Variants in CBLC observed in about 807,000 individuals in gnomAD.
The protein encoded by CBLC is E3 ubiquitin-protein ligase CBL-C.
CBLC carries 46 observed loss-of-function variants against 58.6 expected under a neutral mutation model. That is an observed-to-expected ratio of 0.79 (90% confidence interval 0.62 to 1.00). The LOEUF is 1.00. Ranked by LOEUF, CBLC falls within the 50% of genes least tolerant of loss-of-function variation. CBLC has a pLI of 0.00. For synonymous variants in CBLC, 271 were observed against 264.2 expected (o/e 1.03, Z -0.25); for missense variants, 655 against 625.8 (o/e 1.05, Z -0.50).
Position 44,793,559 on chromosome 19 carries a change from C to T in CBLC, c.1223C>T (p.Ala408Val). The change falls in exon 8 of 11, where the codon GCT (alanine) becomes GTT (valine). Residue 408 changes from alanine (A) to valine (V), a missense_variant. Coordinates refer to ENST00000647358, the MANE Select transcript of CBLC (RefSeq NM_012116.4). Reference sequence around the variant, plus strand: ...AGTATCTACCAGTTCCACGGTCAGGCTACTGCTGAGGACTCAGGGAACAGC... The same window carrying T: ...AGTATCTACCAGTTCCACGGTCAGGTTACTGCTGAGGACTCAGGGAACAGC... ...AVSIYQFHGQ[A>V]TAEDSGNSSD... is the part of the protein sequence containing the mutation. The T allele has an allele frequency of 6.2e-7, 1 of 1,611,352 alleles. No individual in the cohort carries two copies. Among genetic ancestry groups the T allele is most frequent in the Non-Finnish European group, 8.5e-7 (1 of 1,179,300 alleles).
chr19:44,779,196 C>T (rs1448441378), intron 1 of CBLC, among the ~76,000 whole-genome samples: 3 of 152,140 alleles, frequency 2.0e-5, no homozygotes, highest in African/African-American at 2.4e-5. Flanking sequence ...TGGCTGGGTA[C>T]GGTGGCTCAC....
chr19:44,783,936 G>A (rs1280764424), intron 4 of CBLC, among the ~76,000 whole-genome samples: 2 of 152,226 alleles, frequency 1.3e-5, no homozygotes, highest in African/African-American at 4.8e-5. Flanking sequence ...TGCAGCGAAA[G>A]TCCCAGAACG....
At chr19:44,798,281 C>T (rs1167970397) in intron 9 of CBLC, among the ~76,000 whole-genome samples, 2 of 152,080 alleles carry the variant, frequency 1.3e-5, no homozygotes, top group African/African-American at 4.8e-5. Context: ...GTCTCTAACT[C>T]CTGGGCTCAA....
chr19:44,780,669 C>T (rs534698343), intron 1 of CBLC, among the ~76,000 whole-genome samples: 23 of 151,686 alleles, frequency 1.5e-4, no homozygotes, highest in African/African-American at 5.1e-4. Context: ...GACAGGGTTT[C>T]ACCATGTTGG....
rs902236013 is a variant in CBLC at position 44,777,973 on chromosome 19, G to A, written c.42G>A (p.Glu14=). The part of the protein sequence containing the change: ...AVAPWGRQWE[E]ARALGRAVRM... ...CCCCGTGGGGGCGACAGTGGGAAGA[G>A]GCCCGCGCCCTGGGCCGGGCAGTCA... The change falls in exon 1 of 11, where the codon GAG becomes GAA. Residue 14 remains glutamate (E), a synonymous_variant. Transcript: ENST00000647358. 3 of 1,605,986 alleles carry A rather than the reference G, an allele frequency of 1.9e-6. No individual in the cohort carries two copies. The highest frequency in any genetic ancestry group is 1.7e-4 in the Middle Eastern group (1 of 6,036).
chr19:44,783,081 A>G lies in CBLC; in HGVS notation c.779+590A>G, dbSNP rs181517316. Reference sequence around the variant, plus strand: ...GGAAAGAATAAATTCCTATAATTGAAAAGGCCAGGCCCCGCACAGTGGCTC... The same window carrying G: ...GGAAAGAATAAATTCCTATAATTGAGAAGGCCAGGCCCCGCACAGTGGCTC... On this transcript the variant is annotated intron_variant, in intron 4 of 10. Coordinates refer to ENST00000647358, the MANE Select transcript of CBLC (RefSeq NM_012116.4). 3.9e-4 allele frequency among the ~76,000 whole-genome samples: 59 copies of G among 152,288 alleles called. 1 individual carries two copies. The East Asian group carries it at 0.01, about 26-fold the overall frequency.
At chr19:44,784,064 A>G (rs1267888353) in intron 4 of CBLC, among the ~76,000 whole-genome samples, 200 bp from the exon 5 acceptor site, 3 of 152,168 alleles carry the variant, frequency 2.0e-5, no homozygotes, top group Non-Finnish European at 4.4e-5. Flanking sequence ...TTTTTATCAT[A>G]AAAGAGCCAA....
At chr19:44,782,324 G>A (rs969899496) in intron 3 of CBLC, 46 bp from the exon 4 acceptor site, 9 of 1,610,930 alleles carry the variant, frequency 5.6e-6, no homozygotes, top group African/African-American at 1.3e-5. Flanking sequence ...AGGGATGTGA[G>A]CTGCTTCCCT....
chr19:44,800,237 T>C (rs922756154), intron 9 of CBLC, 144 bp from the exon 10 acceptor site: 5 of 616,716 alleles, frequency 8.1e-6, no homozygotes, highest in African/African-American at 7.4e-5. Flanking sequence ...ATTAAGGCTG[T>C]GGCCTCAGCC....
At chr19:44,794,893 C>G (rs576871314) in intron 9 of CBLC, among the ~76,000 whole-genome samples, 66 of 152,032 alleles carry the variant, frequency 4.3e-4, no homozygotes, top group Admixed American at 2.3e-3. Flanking sequence ...GGGAGGCCTT[C>G]CCTGACCACT....
At chr19:44,795,101 G>T (rs1968153392) in intron 9 of CBLC, among the ~76,000 whole-genome samples, 1 of 152,030 alleles carries the variant, frequency 6.6e-6, no homozygotes, top group African/African-American at 2.4e-5. Context: ...GGGACTACAG[G>T]CACCCACCAC....
chr19:44,777,912 C>T lies in CBLC; in HGVS notation c.-20C>T, dbSNP rs201826947. 2.0e-6 allele frequency: 3 copies of T among 1,537,280 alleles called. No individual in the cohort carries two copies. The highest frequency in any genetic ancestry group is 2.0e-5 in the Admixed American group (1 of 49,442). On this transcript the variant is annotated 5_prime_UTR_variant, in exon 1 of 11. Coordinates refer to ENST00000647358, the MANE Select transcript of CBLC (RefSeq NM_012116.4). Reference sequence around the variant, plus strand: ...CCTATCCCAGCCGCACCGGTCCTTCCCGGCACACGCGAGGCTCCCATGGCT... The same window carrying T: ...CCTATCCCAGCCGCACCGGTCCTTCTCGGCACACGCGAGGCTCCCATGGCT...
chr19:44,793,895 A>ATGG (rs1968120621), intron 8 of CBLC, among the ~76,000 whole-genome samples: 3 of 133,948 alleles, frequency 2.2e-5, no homozygotes, highest in African/African-American at 9.3e-5. Context: ...GAGGGAGGAG[A>ATGG]ATATGGGGGC....
intron 5 of CBLC, among the ~76,000 whole-genome samples, chr19:44,788,140 A>G (rs1305291753): frequency 6.6e-6 from 1 of 151,486 alleles, no homozygotes; most frequent in Admixed American, 6.6e-5. Flanking sequence ...TTTCTGTGAC[A>G]GGGTCTCACT....
chr19:44,795,056 C>G (rs899773237), intron 9 of CBLC, among the ~76,000 whole-genome samples: 5 of 151,576 alleles, frequency 3.3e-5, no homozygotes, highest in African/African-American at 4.8e-5. Flanking sequence ...CTCCCAGATT[C>G]AAGCAATGCT....
chr19:44,800,484 C>G, intron 10 of CBLC, 34 bp downstream of exon 10: 6 of 1,287,944 alleles, frequency 4.7e-6, no homozygotes, highest in Non-Finnish European at 6.7e-6. Context: ...CTGGCCCACT[C>G]CACCCCACTC....
intron 9 of CBLC, among the ~76,000 whole-genome samples, chr19:44,795,967 A>G (rs1035465770): frequency 2.0e-5 from 3 of 152,096 alleles, no homozygotes; most frequent in African/African-American, 7.2e-5. Context: ...TGTAATCCCA[A>G]CATTTTGGGA....
chr19:44,791,239 GC>G lies in CBLC; in HGVS notation c.1006-1143del, dbSNP rs200036924. 5.7e-3 allele frequency among the ~76,000 whole-genome samples: 871 copies of G among 151,534 alleles called. 7 individuals carry two copies. Among genetic ancestry groups the G allele is most frequent in the African/African-American group, 0.02 (817 of 41,268 alleles). Reference sequence around the variant, plus strand: ...GTGGATCACTTGAGCCTGGGAGTTGGCGGTTGCAGTAGGCCAAGATTGCGAC... The same window carrying G: ...GTGGATCACTTGAGCCTGGGAGTTGGGGTTGCAGTAGGCCAAGATTGCGAC... On this transcript the variant is annotated intron_variant, in intron 6 of 10. Coordinates refer to ENST00000647358, the MANE Select transcript of CBLC (RefSeq NM_012116.4).
Position 44,800,635 on chromosome 19 carries a change from C to T in CBLC, c.*92C>T. 1 of 545,526 alleles carries T rather than the reference C, an allele frequency of 1.8e-6. No individual in the cohort carries two copies. Among genetic ancestry groups the T allele is most frequent in the Non-Finnish European group, 3.3e-6 (1 of 305,260 alleles). 33.8% of individuals were successfully genotyped at this position (545,526 alleles called of 1,614,324 possible). ...AATAAACTGCCAAGCCTGGTCTGTC[C>T]TCCAGGGTGCAAAGGAAGAGTGCAG... On this transcript the variant is annotated 3_prime_UTR_variant, in exon 11 of 11. Transcript: ENST00000647358.
Sources: allele counts gnomAD v4.1 joint callset (sites outside exome capture counted in the v4.1 genomes callset), GRCh38; gene constraint gnomAD v4.1.1; transcripts MANE v1.5; gene names NCBI Gene and HGNC (gene_info 2026-07-23, HGNC 2026-07-21).